Variants in CPEB3 observed in about 807,000 individuals in gnomAD.
CPEB3 encodes the protein cytoplasmic polyadenylation element-binding protein 3.
In CPEB3, 20 loss-of-function variants were observed where a neutral mutation model predicts 67.2. The ratio of observed to expected loss-of-function variants is 0.30; its 90% CI spans 0.21 to 0.43. CPEB3 has a LOEUF of 0.43. CPEB3 is among the 20% of genes least tolerant of loss of function. CPEB3 has a pLI of 1.00. For missense variants in CPEB3, 746 were observed against 968.6 expected, an observed-to-expected ratio of 0.77 and a Z score of 3.05; for synonymous variants, 376 against 393.1, an observed-to-expected ratio of 0.96 and a Z score of 0.51.
intron 1 of CPEB3, among the ~76,000 whole-genome samples, chr10:92,241,370 A>T (rs1039474787): frequency 6.6e-6 from 1 of 152,126 alleles, no homozygotes; most frequent in Admixed American, 6.6e-5. Context: ...GACAGTCAAG[A>T]TAATTCTGGG....
intron 6 of CPEB3, among the ~76,000 whole-genome samples, chr10:92,139,289 T>TTA (rs1554895869): frequency 0.025 from 1,781 of 71,132 alleles, 40 homozygotes; most frequent in African/African-American, 0.061. Context: ...CACACACACA[T>TTA]AAAAAAAAAA....
chr10:92,254,516 G>GT (rs570868135), intron 1 of CPEB3, among the ~76,000 whole-genome samples: 66 of 152,164 alleles, frequency 4.3e-4, no homozygotes, highest in African/African-American at 1.3e-3. Context: ...AGCACCTTGG[G>GT]TTTTTTTATG....
chr10:92,212,186 A>G (rs1298325674), intron 2 of CPEB3, among the ~76,000 whole-genome samples: 1 of 150,112 alleles, frequency 6.7e-6, no homozygotes, highest in African/African-American at 2.5e-5. Flanking sequence ...CAGCTCCAAC[A>G]TATATGTTTT....
At chr10:92,099,026 C>G (rs768738495) in intron 7 of CPEB3, among the ~76,000 whole-genome samples, 34 of 151,930 alleles carry the variant, frequency 2.2e-4, no homozygotes, top group Non-Finnish European at 4.0e-4. Flanking sequence ...CCCGCCTCAG[C>G]CTCCCAAAGT....
chr10:92,136,472 C>A lies in CPEB3; in HGVS notation c.1453+6557G>T, dbSNP rs150781383. Among the ~76,000 whole-genome samples the A allele has an allele frequency of 2.6e-5, 4 of 152,184 alleles. No individual in the cohort carries two copies. In the East Asian group the frequency reaches 7.7e-4, roughly 29 times the overall value. On this transcript the variant is annotated intron_variant, in intron 6 of 9. Transcript: ENST00000265997. ...GGGATTAATAACAATATATAAAGAG[C>A]TCAAACAACTCAATAGGAAAAAAAA...
Position 92,048,339 on chromosome 10 carries a change from A to C in CPEB3, c.*3873T>G, listed in dbSNP as rs1852168498. 1 of 152,182 alleles carries C rather than the reference A, an allele frequency of 6.6e-6. No homozygotes were observed. The highest frequency in any genetic ancestry group is 1.5e-5 in the Non-Finnish European group (1 of 68,946). The allele number at this position is 152,182 out of a possible 1,614,324, so 9.4% of individuals were successfully genotyped here. ...TGGGAGAAAGGCACTGTCTCACACAAGGACAGCAGTTGGTGGCAGTTTTTC... is the reference window on the plus strand; with the variant it reads ...TGGGAGAAAGGCACTGTCTCACACACGGACAGCAGTTGGTGGCAGTTTTTC... On this transcript the variant is annotated 3_prime_UTR_variant, in exon 10 of 10. Coordinates refer to ENST00000265997, the MANE Select transcript of CPEB3 (RefSeq NM_014912.5). This position sits in a 1 kb window ranked among gnomAD's most constrained non-coding sequence, Gnocchi z 4.1.
At chr10:92,113,629 T>G (rs554796085) in intron 6 of CPEB3, among the ~76,000 whole-genome samples, 31 of 152,346 alleles carry the variant, frequency 2.0e-4, no homozygotes, top group African/African-American at 7.5e-4. Context: ...CTTTCTCTTA[T>G]TCCTTGCCTC....
chr10:92,218,232 C>A (rs1850527387), intron 2 of CPEB3, among the ~76,000 whole-genome samples: 1 of 152,090 alleles, frequency 6.6e-6, no homozygotes, highest in Non-Finnish European at 1.5e-5. Flanking sequence ...CATGGTGAAA[C>A]CTCGTCTCTA....
chr10:92,130,187 C>T (rs117515648), intron 6 of CPEB3, among the ~76,000 whole-genome samples: 3,734 of 151,904 alleles, frequency 0.025, 53 homozygotes, highest in Non-Finnish European at 0.037. Context: ...CCTCAATTTT[C>T]AGGTCTGCTT....
chr10:92,271,115 G>A (rs183777488), intron 1 of CPEB3, among the ~76,000 whole-genome samples: 174 of 152,206 alleles, frequency 1.1e-3, no homozygotes, highest in Non-Finnish European at 1.9e-3. Flanking sequence ...CCTGAGAGGC[G>A]GAGGTTGCAG....
chr10:92,216,701 A>G lies in CPEB3; in HGVS notation c.1005+22645T>C, dbSNP rs1850420207. 3.1e-5 allele frequency: 50 copies of G among 1,605,470 alleles called. 2 individuals are homozygous for G. In the South Asian group the frequency reaches 5.5e-4, roughly 18 times the overall value. On this transcript the variant is annotated intron_variant, in intron 2 of 9. Transcript: ENST00000265997. Reference sequence around the variant, plus strand: ...TGCAGCCACAGGCTCCAAGCGCCCCACCTGTGTGATAATGGTCAAGCCCCA... The same window carrying G: ...TGCAGCCACAGGCTCCAAGCGCCCCGCCTGTGTGATAATGGTCAAGCCCCA...
At position 92,239,232 on chromosome 10, in the gene CPEB3, G is replaced by A. The variant is rs1851688119; in HGVS notation, c.1005+114C>T. The A allele has an allele frequency of 8.5e-7, 1 of 1,175,402 alleles. No homozygotes were observed. Among genetic ancestry groups the A allele is most frequent in the East Asian group, 2.6e-5 (1 of 39,010 alleles). The allele number at this position is 1,175,402 out of a possible 1,614,324, so 72.8% of individuals were successfully genotyped here. A position where few individuals can be genotyped will look rare whatever the true frequency, so the allele number is the denominator to read the frequency against. On this transcript the variant is annotated intron_variant, in intron 2 of 9. Coordinates refer to ENST00000265997, the MANE Select transcript of CPEB3 (RefSeq NM_014912.5). The surrounding 1 kb of genome is among the most constrained non-coding windows in gnomAD (Gnocchi z 6.0). The stretch of plus-strand genomic sequence containing the variant: ...CTGGAGGCTTCGGAAGGGGAAAGAG[G>A]AGCTGGACATTGCTGCCCTTTTTAA...
At chr10:92,284,237 C>T (rs1466643145) in intron 1 of CPEB3, among the ~76,000 whole-genome samples, 1 of 151,598 alleles carries the variant, frequency 6.6e-6, no homozygotes, top group East Asian at 1.9e-4. Flanking sequence ...CGGAGTTTCA[C>T]CATTTTGGCC....
intron 4 of CPEB3, among the ~76,000 whole-genome samples, chr10:92,170,084 A>G (rs920709404): frequency 2.6e-5 from 4 of 152,194 alleles, no homozygotes; most frequent in Non-Finnish European, 4.4e-5. Flanking sequence ...GAGAATAAAA[A>G]TCTTGATACC....
In CPEB3 at chr10:92,231,290, C is replaced by G. The variant is rs191650563; in HGVS notation, c.1005+8056G>C. Reference sequence around the variant, plus strand: ...AGCCCCCTCCACTACATGCCATCAGCTAGTGTTTAACTTTGGACTACTGAA... The same window carrying G: ...AGCCCCCTCCACTACATGCCATCAGGTAGTGTTTAACTTTGGACTACTGAA... On this transcript the variant is annotated intron_variant, in intron 2 of 9. Coordinates refer to ENST00000265997, the MANE Select transcript of CPEB3 (RefSeq NM_014912.5). Among the ~76,000 whole-genome samples the G allele has an allele frequency of 1.5e-3, 231 of 152,332 alleles. 2 individuals carry two copies. The highest frequency in any genetic ancestry group is 2.5e-3 in the Non-Finnish European group (172 of 68,034).
At chr10:92,094,534 G>A (rs544685150) in intron 7 of CPEB3, among the ~76,000 whole-genome samples, 18 of 151,830 alleles carry the variant, frequency 1.2e-4, no homozygotes, top group East Asian at 5.9e-4. Context: ...CCTGGGAGGC[G>A]GAGCTTGCAG....
At chr10:92,088,103 T>G (rs1256127984) in intron 8 of CPEB3, among the ~76,000 whole-genome samples, 1 of 152,174 alleles carries the variant, frequency 6.6e-6, no homozygotes, top group Non-Finnish European at 1.5e-5. Context: ...TGTGTATTAT[T>G]TGACATAGAA....
intron 2 of CPEB3, among the ~76,000 whole-genome samples, chr10:92,207,014 C>A (rs1849824535): frequency 6.6e-6 from 1 of 151,888 alleles, no homozygotes; most frequent in African/African-American, 2.4e-5. Flanking sequence ...GAGACAGGGT[C>A]TCACTCTGTC....
chr10:92,121,934 C>T (rs528517378), intron 6 of CPEB3, among the ~76,000 whole-genome samples: 4 of 152,206 alleles, frequency 2.6e-5, no homozygotes, highest in Non-Finnish European at 5.9e-5. Context: ...CTGTCCCAAA[C>T]ATTCTCTCTG....
Sources: gnomAD v4.1 joint callset for allele counts (sites outside exome capture counted in the v4.1 genomes callset) on GRCh38, gnomAD v4.1.1 for gene constraint, Gnocchi (gnomAD v3.1) non-coding constraint, MANE v1.5 for transcripts, NCBI Gene and HGNC (gene_info 2026-07-23, HGNC 2026-07-21) for gene names.